The following TMEM232 variants were observed in gnomAD, a reference collection of about 807,000 sequenced individuals.
TMEM232 encodes transmembrane protein 232.
Under a neutral mutation model 78.8 loss-of-function variants are expected in TMEM232, and 80 were observed. The ratio of observed to expected loss-of-function variants is 1.01; its 90% CI spans 0.85 to 1.22. The LOEUF (loss-of-function observed/expected upper bound fraction) is 1.22, where lower values mean the gene tolerates loss of function less well. TMEM232 is among the 50% of genes most tolerant of loss of function. The pLI is 0.00. For missense variants in TMEM232, 881 were observed against 742.2 expected (o/e 1.19, Z -2.17); for synonymous variants, 297 against 254.3 (o/e 1.17, Z -1.60).
intron 12 of TMEM232, among the ~76,000 whole-genome samples, chr5:110,490,316 G>C (rs1335427450): frequency 6.6e-6 from 1 of 151,978 alleles, no homozygotes; most frequent in African/African-American, 2.4e-5. Flanking sequence ...AACAAGAGAA[G>C]TACAAGACTT....
chr5:110,533,076 C>T lies in TMEM232; in HGVS notation c.1456-4241G>A, dbSNP rs531819326. On this transcript the variant is annotated intron_variant, in intron 11 of 13. Transcript: ENST00000455884. ...TACCTTCCTCCACAACCCACTATTC[C>T]GTTCTTAATCTTAAAGATGCTTTTT... 2.0e-5 allele frequency among the ~76,000 whole-genome samples: 3 copies of T among 152,178 alleles called. No homozygotes were observed. The South Asian group carries it at 6.2e-4, about 32-fold the overall frequency.
chr5:110,426,649 T>A (rs1249229226), intron 12 of TMEM232, among the ~76,000 whole-genome samples: 1 of 151,974 alleles, frequency 6.6e-6, no homozygotes, highest in Non-Finnish European at 1.5e-5. Flanking sequence ...ACTTAATTAA[T>A]ATTCAGAAAC....
intron 2 of TMEM232, among the ~76,000 whole-genome samples, chr5:110,398,610 G>T (rs775377617): frequency 2.6e-5 from 4 of 152,146 alleles, no homozygotes; most frequent in Non-Finnish European, 4.4e-5. Context: ...TATGCTCAAT[G>T]AGATTGTAAA....
At chr5:110,596,096 G>A (rs1294545628) in intron 10 of TMEM232, among the ~76,000 whole-genome samples, 1 of 152,116 alleles carries the variant, frequency 6.6e-6, no homozygotes, top group Non-Finnish European at 1.5e-5. Flanking sequence ...AACCCTACAA[G>A]CCAGAAGAGA....
At chr5:110,412,317 T>A (rs1189705692) in intron 2 of TMEM232, among the ~76,000 whole-genome samples, 1 of 152,214 alleles carries the variant, frequency 6.6e-6, no homozygotes, top group Non-Finnish European at 1.5e-5. Flanking sequence ...GAAAATATCA[T>A]AAAGGAAAGT....
chr5:110,640,990 A>C lies in TMEM232; in HGVS notation c.244T>G (p.Leu82Val). The change falls in exon 4 of 14, where the codon TTG (leucine) becomes GTG (valine). Residue 82 changes from leucine (L) to valine (V), a missense_variant. By Grantham distance (32) the Leu-to-Val change is conservative (BLOSUM62 1). Coordinates refer to ENST00000455884, the MANE Select transcript of TMEM232 (RefSeq NM_001039763.4). ...CCAGAGCCCAGGGTTTTGAGACCCA[A>C]TTTTCTCTGTTATGAGGAAGCATGA... is the stretch of plus-strand genomic sequence containing the variant. ...RKIILRCKRK[L>V]GLKTLGSGRH... is the part of the protein sequence containing the mutation. The C allele has an allele frequency of 6.6e-7, 1 of 1,526,104 alleles. No individual in the cohort carries two copies. The highest frequency in any genetic ancestry group is 8.8e-7 in the Non-Finnish European group (1 of 1,135,626). 94.5% of individuals were successfully genotyped at this position (1,526,104 alleles called of 1,614,324 possible). A position where few individuals can be genotyped will look rare whatever the true frequency, so the allele number is the denominator to read the frequency against.
intron 12 of TMEM232, among the ~76,000 whole-genome samples, chr5:110,446,118 C>A (rs190428884): frequency 5.3e-5 from 8 of 152,156 alleles, no homozygotes. Flanking sequence ...ATCTATAGGC[C>A]TTTTTTCTTG....
At chr5:110,594,033 C>T (rs1359506794) in intron 10 of TMEM232, among the ~76,000 whole-genome samples, 1 of 151,980 alleles carries the variant, frequency 6.6e-6, no homozygotes, top group Non-Finnish European at 1.5e-5. Context: ...CGAATAGGAA[C>T]AGCTCTGGTC....
chr5:110,692,107 G>C (rs991533872), intron 1 of TMEM232, among the ~76,000 whole-genome samples: 1 of 152,076 alleles, frequency 6.6e-6, no homozygotes, highest in East Asian at 1.9e-4. Flanking sequence ...ATTTTTAGTA[G>C]AGACGGGGTT....
intron 1 of TMEM232, among the ~76,000 whole-genome samples, chr5:110,685,842 C>T (rs1164472689): frequency 6.6e-6 from 1 of 152,030 alleles, no homozygotes; most frequent in Admixed American, 6.6e-5. Context: ...CTACAAGCAA[C>T]GACATGCATA....
At chr5:110,735,721 C>G (rs1395383353) in intron 1 of TMEM232, among the ~76,000 whole-genome samples, 2 of 152,178 alleles carry the variant, frequency 1.3e-5, no homozygotes, top group Non-Finnish European at 2.9e-5. Flanking sequence ...GTGTTTCCCC[C>G]TTGCTGTCTG....
chr5:110,523,349 CTT>C (rs1408454398), intron 12 of TMEM232, among the ~76,000 whole-genome samples: 1 of 139,322 alleles, frequency 7.2e-6, no homozygotes, highest in East Asian at 1.9e-4. Flanking sequence ...ACTTTTGACT[CTT>C]TCTTTGTTTT....
intron 2 of TMEM232, among the ~76,000 whole-genome samples, chr5:110,649,158 T>C (rs1452713681): frequency 3.3e-5 from 5 of 152,006 alleles, no homozygotes; most frequent in African/African-American, 1.2e-4. Flanking sequence ...CTTACAAACA[T>C]ATAGAATATA....
intron 7 of TMEM232, among the ~76,000 whole-genome samples, chr5:110,623,807 C>T (rs1341103628): frequency 6.6e-6 from 1 of 152,112 alleles, no homozygotes; most frequent in East Asian, 1.9e-4. Context: ...CTGTTATAAT[C>T]CCCTTACAGG....
At chr5:110,430,331 A>G (rs574745194) in intron 12 of TMEM232, among the ~76,000 whole-genome samples, 1 of 150,582 alleles carries the variant, frequency 6.6e-6, no homozygotes, top group South Asian at 2.1e-4. Context: ...AGTTGCACCT[A>G]CCATCTCCAA....
chr5:110,516,107 C>G (rs1217673161), intron 12 of TMEM232, among the ~76,000 whole-genome samples: 1 of 152,046 alleles, frequency 6.6e-6, no homozygotes, highest in Non-Finnish European at 1.5e-5. Context: ...GGCGTGGTGG[C>G]AGGCACCTGT....
chr5:110,737,826 A>G (rs1012326294), intron 1 of TMEM232, among the ~76,000 whole-genome samples: 1 of 152,162 alleles, frequency 6.6e-6, no homozygotes, highest in African/African-American at 2.4e-5. Context: ...TTTAAAATTT[A>G]CTATATGGAC....
chr5:110,441,752 A>G (rs1759068267), intron 12 of TMEM232, among the ~76,000 whole-genome samples: 1 of 152,208 alleles, frequency 6.6e-6, no homozygotes, highest in Admixed American at 6.5e-5. Context: ...ACAGCCAGAG[A>G]GGTGCTAAGG....
chr5:110,486,166 A>C (rs1272708892), intron 12 of TMEM232, among the ~76,000 whole-genome samples: 1 of 150,090 alleles, frequency 6.7e-6, no homozygotes, highest in Non-Finnish European at 1.5e-5. Context: ...TTTTAACGGG[A>C]GGTTTTTTTT....
Sources: allele counts gnomAD v4.1 joint callset (sites outside exome capture counted in the v4.1 genomes callset), GRCh38; gene constraint gnomAD v4.1.1; transcripts MANE v1.5; gene names NCBI Gene and HGNC (gene_info 2026-07-23, HGNC 2026-07-21).